The following CCL26 variants were observed in gnomAD, a reference collection of about 807,000 sequenced individuals.
CCL26 encodes the protein C-C motif chemokine 26.
Under a neutral mutation model 10.7 loss-of-function variants are expected in CCL26, and 10 were observed. That is an observed-to-expected ratio of 0.93 (90% CI 0.57 to 1.58). The LOEUF is 1.58. CCL26 is among the 40% of genes most tolerant of loss of function. The pLI, the probability that CCL26 is intolerant of heterozygous loss-of-function variation, is 0.00. For synonymous variants in CCL26, 43 were observed against 41.4 expected (o/e 1.04, Z -0.15); for missense variants, 116 against 111.0 (o/e 1.05, Z -0.20).
rs1802839307 is a variant in CCL26 at position 75,772,200 on chromosome 7, C to A, written c.-24G>T. The A allele has an allele frequency of 2.6e-6, 4 of 1,535,714 alleles. No homozygotes were observed. The East Asian group carries it at 9.8e-5, about 38-fold the overall frequency. ...ATGATGCTGCAAATCAGGCCCTTCT[C>A]AGGTTTCTCCCAAACTCCTCCTGCC... is the stretch of plus-strand genomic sequence containing the variant. On this transcript the variant is annotated 5_prime_UTR_variant, in exon 1 of 3. Coordinates refer to ENST00000005180, the MANE Select transcript of CCL26 (RefSeq NM_001371938.1).
At chr7:75,771,159 A>C (rs1802812483) in intron 2 of CCL26, among the ~76,000 whole-genome samples, 1 of 151,920 alleles carries the variant, frequency 6.6e-6, no homozygotes, top group Non-Finnish European at 1.5e-5. Context: ...ATCATACCTC[A>C]CTGCAGCCTT....
chr7:75,788,744 A>G (rs909765937), intron 1 of CCL26, among the ~76,000 whole-genome samples: 12 of 151,824 alleles, frequency 7.9e-5, no homozygotes, highest in African/African-American at 2.2e-4. Flanking sequence ...AAAAGAAGAA[A>G]AAAAAAGATG....
chr7:75,790,647 T>A (rs919539013), upstream of CCL26, among the ~76,000 whole-genome samples: 1 of 152,176 alleles, frequency 6.6e-6, no homozygotes, highest in South Asian at 2.1e-4. Context: ...TATACCCTGT[T>A]TATAAAACAT....
chr7:75,784,384 G>A (rs529815158), intron 1 of CCL26, among the ~76,000 whole-genome samples: 6 of 152,298 alleles, frequency 3.9e-5, no homozygotes, highest in African/African-American at 1.2e-4. Context: ...AGATCTTCTC[G>A]GCTTAACGGC....
chr7:75,772,026 G>A, intron 1 of CCL26, 23 bp from the exon 2 acceptor site: 14 of 1,605,868 alleles, frequency 8.7e-6, no homozygotes, highest in Non-Finnish European at 1.2e-5. Context: ...GAGAGGAAGG[G>A]TTTGGAGATA....
chr7:75,773,807 T>G (rs903250474), upstream of CCL26, among the ~76,000 whole-genome samples: 2 of 150,898 alleles, frequency 1.3e-5, no homozygotes, highest in African/African-American at 4.9e-5. Flanking sequence ...CACTTGAACC[T>G]GGGGGGCAGA....
chr7:75,788,340 C>A (rs959830047), intron 1 of CCL26, among the ~76,000 whole-genome samples: 6 of 152,058 alleles, frequency 3.9e-5, no homozygotes, highest in African/African-American at 1.4e-4. Context: ...GGCTCAAAAG[C>A]TCCCCCACTG....
chr7:75,787,595 G>A (rs1803225731), intron 1 of CCL26, among the ~76,000 whole-genome samples: 3 of 134,436 alleles, frequency 2.2e-5, no homozygotes, highest in African/African-American at 8.2e-5. Flanking sequence ...CAGTGAGCCG[G>A]GATCACACCA....
intron 1 of CCL26, among the ~76,000 whole-genome samples, chr7:75,781,488 T>C (rs1224976823): frequency 4.6e-5 from 7 of 152,200 alleles, no homozygotes; most frequent in Non-Finnish European, 1.0e-4. Flanking sequence ...TCCTAAGCCT[T>C]GTCCCATCTG....
chr7:75,791,412 G>T (rs1803330418), upstream of CCL26, among the ~76,000 whole-genome samples: 1 of 152,204 alleles, frequency 6.6e-6, no homozygotes, highest in African/African-American at 2.4e-5. Context: ...GGCGGCCCTG[G>T]CTCCTGCTCT....
At chr7:75,780,153 G>A (rs528188760) in intron 1 of CCL26, among the ~76,000 whole-genome samples, 1 of 142,458 alleles carries the variant, frequency 7.0e-6, no homozygotes, top group Non-Finnish European at 1.5e-5. Context: ...CACTTTCCTG[G>A]GGGGCAAACA....
At chr7:75,779,236 ACT>A (rs1803008289) in intron 1 of CCL26, among the ~76,000 whole-genome samples, 1 of 151,968 alleles carries the variant, frequency 6.6e-6, no homozygotes, top group African/African-American at 2.4e-5. Context: ...GCCCGCCTGC[ACT>A]CAGGTGATTA....
intron 1 of CCL26, among the ~76,000 whole-genome samples, chr7:75,780,407 G>A (rs1385635878): frequency 1.3e-5 from 2 of 151,880 alleles, no homozygotes; most frequent in Non-Finnish European, 2.9e-5. Context: ...TTCTCCCTTA[G>A]CCTGTGTTCT....
chr7:75,769,567 T>G lies in CCL26; in HGVS notation c.*126A>C, dbSNP rs1554527855. 1.7e-6 allele frequency: 1 copy of G among 598,060 alleles called. No homozygotes were observed. Among genetic ancestry groups the G allele is most frequent in the Admixed American group, 2.9e-5 (1 of 34,020 alleles). The allele number at this position is 598,060 out of a possible 1,614,324, so 37.0% of individuals were successfully genotyped here. ...TGAACAACCTTTATTAAAGTAACTC[T>G]GGGAGGAAACACCCTCTCCTCCCCA... is the stretch of plus-strand genomic sequence containing the variant. On this transcript the variant is annotated 3_prime_UTR_variant, in exon 3 of 3. Coordinates refer to ENST00000005180, the MANE Select transcript of CCL26 (RefSeq NM_001371938.1).
chr7:75,770,989 GGTGATGCAAAAGCT>G (rs1802809243), intron 2 of CCL26, among the ~76,000 whole-genome samples: 1 of 152,156 alleles, frequency 6.6e-6, no homozygotes, highest in Non-Finnish European at 1.5e-5. Context: ...TACAAAACTC[GGTGATGCAAAAGCT>G]GCATAAATTC....
chr7:75,771,976 C>A lies in CCL26; in HGVS notation c.101G>T (p.Cys34Phe), dbSNP rs781853481. ...AAGGGGCTTGTGGCTGTATTGGAAG[C>A]AGCAGGTCTTGGATATGTCACTCCC... Reference protein sequence around the residue: ...TRGSDISKTCCFQYSHKPLPW... With the variant: ...TRGSDISKTCFFQYSHKPLPW... The change falls in exon 2 of 3, where the codon TGC becomes TTC. Residue 34 changes from cysteine to phenylalanine, a missense_variant. Transcript: ENST00000005180. The A allele has an allele frequency of 2.5e-6, 4 of 1,614,000 alleles. No individual in the cohort carries two copies. The highest frequency in any genetic ancestry group is 1.7e-5 in the Admixed American group (1 of 59,992).
At chr7:75,783,741 C>T (rs1010602877) in intron 1 of CCL26, among the ~76,000 whole-genome samples, 2 of 147,186 alleles carry the variant, frequency 1.4e-5, no homozygotes, top group African/African-American at 2.5e-5. Flanking sequence ...GAGCTGAGAT[C>T]GTGCCACTGC....
intron 1 of CCL26, among the ~76,000 whole-genome samples, chr7:75,787,221 T>A (rs782475552): frequency 8.5e-5 from 13 of 152,186 alleles, no homozygotes; most frequent in Non-Finnish European, 1.8e-4. Flanking sequence ...TACAGTCCGA[T>A]AATGGACTGG....
In CCL26 at chr7:75,771,941, A is replaced by G; in HGVS notation, c.136T>C (p.Trp46Arg). Residue 46 changes from tryptophan to arginine, a missense_variant, in exon 2 of 3, where the codon TGG (tryptophan) becomes CGG (arginine). Trp to Arg is a moderately radical substitution (Grantham distance 101). Transcript: ENST00000005180. ...CTGGTGAATTCATAGCTTCGCACCCAGGTCCAGGGAAGGGGCTTGTGGCTG... is the reference window on the plus strand; with the variant it reads ...CTGGTGAATTCATAGCTTCGCACCCGGGTCCAGGGAAGGGGCTTGTGGCTG... ...QYSHKPLPWTWVRSYEFTSNS... is the reference protein window; with the variant it reads ...QYSHKPLPWTRVRSYEFTSNS... The G allele has an allele frequency of 1.2e-6, 2 of 1,614,136 alleles. No individual in the cohort carries two copies. Among genetic ancestry groups the G allele is most frequent in the South Asian group, 2.2e-5 (2 of 91,086 alleles).
Sources: gnomAD v4.1 joint callset for allele counts (sites outside exome capture counted in the v4.1 genomes callset) on GRCh38, gnomAD v4.1.1 for gene constraint, MANE v1.5 for transcripts, NCBI Gene and HGNC (gene_info 2026-07-23, HGNC 2026-07-21) for gene names.